The following TPO variants were observed in gnomAD, a reference collection of about 807,000 sequenced individuals.
The protein encoded by TPO is thyroid microsomal antigen.
In TPO, 78 loss-of-function variants were observed where a neutral mutation model predicts 96.9. The observed-to-expected ratio is 0.81, with a 90% CI of 0.67 to 0.97. The LOEUF (loss-of-function observed/expected upper bound fraction) is 0.97. TPO is among the 50% of genes least tolerant of loss of function. The probability of loss-of-function intolerance (pLI) is 0.00; values close to 1 mark genes in which losing one functional copy is unlikely to be tolerated. For synonymous variants in TPO, 547 were observed against 538.0 expected, an observed-to-expected ratio of 1.02 and a Z score of -0.23; for missense variants, 1,252 against 1,274.8, an observed-to-expected ratio of 0.98 and a Z score of 0.27.
At chr2:1,496,916 TC>T in intron 13 of TPO, 151 bp downstream of exon 13, 2 of 1,225,208 alleles carry the variant, frequency 1.6e-6, no homozygotes, top group Non-Finnish European at 2.3e-6. Flanking sequence ...GCAAGGGCTC[TC>T]CCCTTGGCTG....
chr2:1,392,507 T>C lies in TPO; in HGVS notation n.180+18105T>C, dbSNP rs954365277. Among the ~76,000 whole-genome samples, 6 of 152,214 alleles carry C rather than the reference T, an allele frequency of 3.9e-5. No individual in the cohort carries two copies. The South Asian group carries it at 6.2e-4, about 16-fold the overall frequency. The stretch of plus-strand genomic sequence containing the variant: ...CTGCCAGGCTTTGGGATCAGGATGA[T>C]GTTGGCCTCATAAAATGAGTTAGGG... On this transcript the variant is annotated intron_variant and non_coding_transcript_variant, in intron 1 of 5. Coordinates refer to the TPO transcript ENST00000497517.
intron 2 of TPO, among the ~76,000 whole-genome samples, chr2:1,422,334 T>TGGACCGAC (rs1558264212): frequency 2.7e-4 from 17 of 63,906 alleles, no homozygotes; most frequent in Non-Finnish European, 5.1e-4. Context: ...TGCAGGCGCC[T>TGGACCGAC]CTCCTGGACC....
intron 13 of TPO, among the ~76,000 whole-genome samples, chr2:1,497,991 C>CA (rs543921082): frequency 0.096 from 8,333 of 87,212 alleles, 510 homozygotes; most frequent in East Asian, 0.17. Context: ...CCCCATCTAC[C>CA]AAAAAAAAAA....
intron 1 of TPO, among the ~76,000 whole-genome samples, chr2:1,394,640 G>A (rs10193257): frequency 0.058 from 8,758 of 152,294 alleles, 661 homozygotes; most frequent in East Asian, 0.3. Flanking sequence ...AAATGCAAAC[G>A]TGAGAAAGTG....
At chr2:1,380,311 A>C (rs11897660) in intron 1 of TPO, among the ~76,000 whole-genome samples, 1 of 150,666 alleles carries the variant, frequency 6.6e-6, no homozygotes, top group African/African-American at 2.4e-5. Flanking sequence ...GGAGAATGGC[A>C]TGAACCCGGG....
intron 1 of TPO, among the ~76,000 whole-genome samples, chr2:1,402,277 G>C (rs1424036402): frequency 6.6e-6 from 1 of 152,216 alleles, no homozygotes; most frequent in East Asian, 1.9e-4. Context: ...GACTCTGGGG[G>C]CAGATAGTGA....
At position 1,531,602 on chromosome 2, in the gene TPO, C is replaced by G. The variant is rs1320970043; in HGVS notation, c.2619-8992C>G. ...CTGTGCAACCGCCCCATATCCCCCCCACTCTGTGCAACCTCCCCAAAACAC... is the reference window on the plus strand; with the variant it reads ...CTGTGCAACCGCCCCATATCCCCCCGACTCTGTGCAACCTCCCCAAAACAC... On this transcript the variant is annotated intron_variant, in intron 15 of 16. Transcript: ENST00000329066. 1.9e-5 allele frequency among the ~76,000 whole-genome samples: 2 copies of G among 102,852 alleles called. 1 individual carries two copies. Among genetic ancestry groups the G allele is most frequent in the Admixed American group, 2.2e-4 (2 of 9,160 alleles). The allele number at this position is 102,852 out of a possible 152,430, so 67.5% of individuals were successfully genotyped here.
intron 8 of TPO, among the ~76,000 whole-genome samples, chr2:1,482,784 C>T (rs908780469): frequency 1.3e-5 from 2 of 152,218 alleles, no homozygotes; most frequent in African/African-American, 2.4e-5. Context: ...AAGCAATCCT[C>T]CACCTCAGCC....
chr2:1,380,323 G>A (rs555788327), intron 1 of TPO, among the ~76,000 whole-genome samples: 33 of 151,296 alleles, frequency 2.2e-4, no homozygotes, highest in African/African-American at 8.0e-4. Context: ...GAACCCGGGA[G>A]GCAGAGCTTG....
chr2:1,542,725 T>A lies in TPO; in HGVS notation c.*251T>A. 1 of 1,087,718 alleles carries A rather than the reference T, an allele frequency of 9.2e-7. No homozygotes were observed. The highest frequency in any genetic ancestry group is 1.3e-6 in the Non-Finnish European group (1 of 767,886). 67.4% of individuals were successfully genotyped at this position (1,087,718 alleles called of 1,614,324 possible). A position where few individuals can be genotyped will look rare whatever the true frequency, so the allele number is the denominator to read the frequency against. On this transcript the variant is annotated 3_prime_UTR_variant, in exon 17 of 17. Transcript: ENST00000329066. ...TTTGCCATTAAAATGTATTTACAGA[T>A]TACACATCTTTATTTTGTGAACCCT...
At chr2:1,534,058 T>C (rs1178140434) in intron 15 of TPO, among the ~76,000 whole-genome samples, 1 of 67,956 alleles carries the variant, frequency 1.5e-5, no homozygotes, top group Non-Finnish European at 2.9e-5. Flanking sequence ...ACCACTGTGT[T>C]CAACCTCCCC....
intron 14 of TPO, chr2:1,512,438 GGACCAGCGCCCGT>G: frequency 1.0e-6 from 1 of 985,444 alleles, no homozygotes; most frequent in African/African-American, 1.7e-5. Context: ...AGCCCGGCCC[GGACCAGCGCCCGT>G]GCTCAGGGCA....
intron 1 of TPO, among the ~76,000 whole-genome samples, chr2:1,400,617 G>A (rs1215945688): frequency 1.1e-5 from 1 of 94,670 alleles, no homozygotes; most frequent in Non-Finnish European, 1.9e-5. Flanking sequence ...CATTACATGC[G>A]TCTCAAAAAA....
chr2:1,415,350 G>A (rs1203253439), intron 2 of TPO, among the ~76,000 whole-genome samples: 2 of 142,366 alleles, frequency 1.4e-5, no homozygotes, highest in African/African-American at 5.3e-5. Context: ...CCTGGAGCAG[G>A]TGACACTTCG....
intron 14 of TPO, among the ~76,000 whole-genome samples, chr2:1,505,012 A>AT (rs1287323782): frequency 6.6e-6 from 1 of 152,192 alleles, no homozygotes; most frequent in African/African-American, 2.4e-5. Context: ...ACTCAACTGC[A>AT]TTGAGGAGCT....
chr2:1,399,061 A>G (rs758049632), intron 1 of TPO, among the ~76,000 whole-genome samples: 5 of 152,204 alleles, frequency 3.3e-5, no homozygotes, highest in African/African-American at 4.8e-5. Flanking sequence ...CTTGGAGACC[A>G]GCCCCACCTT....
rs1436854796 is a variant in TPO at position 1,528,789 on chromosome 2, C to A, written c.2619-11805C>A. 5.1e-4 allele frequency among the ~76,000 whole-genome samples: 72 copies of A among 141,708 alleles called. 2 individuals carry two copies. The highest frequency in any genetic ancestry group is 1.9e-3 in the African/African-American group (71 of 36,714). 93.0% of individuals were successfully genotyped at this position (141,708 alleles called of 152,430 possible). On this transcript the variant is annotated intron_variant, in intron 15 of 16. Transcript: ENST00000329066. ...CCTCAAATCCCCCCACTGTGTGCAA[C>A]CTCCTCCAATCCCCCCACTGTGAGC...
chr2:1,508,401 A>C (rs60572318), intron 14 of TPO, among the ~76,000 whole-genome samples: 10,477 of 152,158 alleles, frequency 0.069, 430 homozygotes, highest in East Asian at 0.15. Flanking sequence ...TGGCCTCATA[A>C]AATGAGTTAG....
intron 1 of TPO, among the ~76,000 whole-genome samples, chr2:1,375,083 T>G (rs1661702044): frequency 6.6e-6 from 1 of 150,624 alleles, no homozygotes; most frequent in Non-Finnish European, 1.5e-5. Flanking sequence ...AAATGTTGAT[T>G]AAAGAGTTTT....
Sources: allele counts gnomAD v4.1 joint callset (sites outside exome capture counted in the v4.1 genomes callset), GRCh38; gene constraint gnomAD v4.1.1; transcripts MANE v1.5; gene names NCBI Gene and HGNC (gene_info 2026-07-23, HGNC 2026-07-21).